The following ZNF529 variants were observed in gnomAD, a reference collection of about 807,000 sequenced individuals.
ZNF529 encodes zinc finger protein 529.
Under a neutral mutation model 10.1 loss-of-function variants are expected in ZNF529, and 11 were observed. The ratio of observed to expected loss-of-function variants is 1.09; its 90% CI spans 0.69 to 1.81. The LOEUF is 1.81. Ranked by LOEUF, ZNF529 falls within the 40% of genes most tolerant of loss-of-function variation. The probability of loss-of-function intolerance (pLI) is 0.00; values close to 1 mark genes in which losing one functional copy is unlikely to be tolerated. For synonymous variants in ZNF529, 204 were observed against 215.7 expected (o/e 0.95, Z 0.47); for missense variants, 624 against 666.8 (o/e 0.94, Z 0.71).
chr19:36,577,212 G>A, upstream of ZNF529: 1 of 452,936 alleles, frequency 2.2e-6, no homozygotes, highest in Non-Finnish European at 4.4e-6. Flanking sequence ...GGCCCTCCTT[G>A]ACCTCCCAAA....
At chr19:36,575,829 A>G (rs959191647), upstream of ZNF529, among the ~76,000 whole-genome samples, 3 of 151,556 alleles carry the variant, frequency 2.0e-5, no homozygotes, top group Admixed American at 1.3e-4. Context: ...GAGGTTTCAC[A>G]TGTGTTTTTT....
intron 2 of ZNF529, among the ~76,000 whole-genome samples, chr19:36,584,192 A>G (rs2036529519): frequency 6.6e-6 from 1 of 152,184 alleles, no homozygotes; most frequent in African/African-American, 2.4e-5. Flanking sequence ...GTCAGAAGAC[A>G]GGAGAATAAT....
chr19:36,588,634 A>C (rs902813500), intron 2 of ZNF529, among the ~76,000 whole-genome samples: 1 of 152,172 alleles, frequency 6.6e-6, no homozygotes, highest in Non-Finnish European at 1.5e-5. Flanking sequence ...AGTGAATGGC[A>C]AGATTCAAAG....
rs573815213 is a variant in ZNF529, at chr19:36,593,398, G to A, written c.-127-3697C>T. 1.2e-3 allele frequency among the ~76,000 whole-genome samples: 179 copies of A among 152,184 alleles called. 1 individual carries two copies. The highest frequency in any genetic ancestry group is 3.7e-3 in the African/African-American group (154 of 41,540). ...TGCCCAGGCTACTCTTGAACTCCAGGGCTCAAGCGATCTGCCTGCCTTGGC... is the reference window on the plus strand; with the variant it reads ...TGCCCAGGCTACTCTTGAACTCCAGAGCTCAAGCGATCTGCCTGCCTTGGC... On this transcript the variant is annotated intron_variant, in intron 1 of 4. Coordinates refer to the ZNF529 transcript ENST00000585960.
chr19:36,574,288 A>G (rs1257201599), upstream of ZNF529, among the ~76,000 whole-genome samples: 1 of 152,214 alleles, frequency 6.6e-6, no homozygotes, highest in Admixed American at 6.5e-5. Flanking sequence ...TTCAAAGATT[A>G]TTTGATTGGC....
rs79552175 is a variant in ZNF529, at chr19:36,547,780, T to C, written c.778A>G (p.Arg260Gly). The change falls in exon 5 of 5, where the codon AGA becomes GGA. Residue 260 changes from arginine (R) to glycine (G), a missense_variant. Physicochemically the swap from Arg to Gly is moderately radical, Grantham distance 125. Coordinates refer to ENST00000591340, the MANE Select transcript of ZNF529 (RefSeq NM_020951.5). The stretch of plus-strand genomic sequence containing the variant: ...TTTCCAACTCTTTCAAAGGTCCTTC[T>C]GTATTCCTTACATTTATAGAACTTC... ...NEKFYKCKEY[R>G]RTFERVGKVT... 2.8e-4 allele frequency: 448 copies of C among 1,612,350 alleles called. 1 individual carries two copies. In the East Asian group the frequency reaches 9.1e-3, roughly 33 times the overall value.
chr19:36,580,591 G>GA (rs938424141), intron 2 of ZNF529: 5 of 152,148 alleles, frequency 3.3e-5, no homozygotes, highest in African/African-American at 1.2e-4. Context: ...TGTTCATCAG[G>GA]AATATGTATG....
chr19:36,566,925 C>G (rs3108587), intron 2 of ZNF529, among the ~76,000 whole-genome samples: 51,658 of 151,030 alleles, frequency 0.34, 9,381 homozygotes, highest in African/African-American at 0.48. Context: ...GAGGCTAAGG[C>G]AGGAGAAGCG....
At chr19:36,596,662 G>A (rs745518500) in intron 1 of ZNF529, among the ~76,000 whole-genome samples, 1 of 151,274 alleles carries the variant, frequency 6.6e-6, no homozygotes, top group Non-Finnish European at 1.5e-5. Flanking sequence ...GATTATAGGT[G>A]TGTGTCACCA....
At chr19:36,566,728 T>TA (rs939365228) in intron 2 of ZNF529, among the ~76,000 whole-genome samples, 34 of 148,992 alleles carry the variant, frequency 2.3e-4, no homozygotes, top group African/African-American at 7.9e-4. Context: ...AAAAAAATAA[T>TA]AAAAAAAAGG....
chr19:36,584,993 A>G (rs2036549401), intron 2 of ZNF529, among the ~76,000 whole-genome samples: 2 of 152,188 alleles, frequency 1.3e-5, no homozygotes, highest in Non-Finnish European at 2.9e-5. Context: ...AGCAGCAAGT[A>G]TAAGCCTGAT....
At position 36,545,077 on chromosome 19, in the gene ZNF529, GGGCATGGTGGCGCATGCC is replaced by G. The variant is rs2034960524; in HGVS notation, c.*1771_*1788del. 1.3e-5 allele frequency: 2 copies of G among 152,244 alleles called. No individual in the cohort carries two copies. The highest frequency in any genetic ancestry group is 3.9e-4 in the East Asian group (2 of 5,166). The allele number at this position is 152,244 out of a possible 1,614,324, so 9.4% of individuals were successfully genotyped here. A position where few individuals can be genotyped will look rare whatever the true frequency, so the allele number is the denominator to read the frequency against. On this transcript the variant is annotated 3_prime_UTR_variant, in exon 5 of 5. Coordinates refer to ENST00000591340, the MANE Select transcript of ZNF529 (RefSeq NM_020951.5). ...CATATCTACTAAAATACAATTAGCT[GGGCATGGTGGCGCATGCC>G]TGTAATCCCAGCTACTTGGCAGGCT...
At chr19:36,596,329 C>G (rs576927742) in intron 1 of ZNF529, among the ~76,000 whole-genome samples, 4 of 151,956 alleles carry the variant, frequency 2.6e-5, no homozygotes, top group Non-Finnish European at 5.9e-5. Flanking sequence ...GCCTCAGCCT[C>G]CTAAGGTGCT....
chr19:36,575,093 A>G (rs2036283301), upstream of ZNF529, among the ~76,000 whole-genome samples: 1 of 152,164 alleles, frequency 6.6e-6, no homozygotes, highest in South Asian at 2.1e-4. Context: ...GGCTTTGTGG[A>G]GTAGGTAAGA....
chr19:36,598,980 A>G (rs894547882), intron 1 of ZNF529, among the ~76,000 whole-genome samples: 1 of 152,236 alleles, frequency 6.6e-6, no homozygotes, highest in African/African-American at 2.4e-5. Flanking sequence ...TTTTTCAAAA[A>G]GAAAAGGACA....
intron 2 of ZNF529, among the ~76,000 whole-genome samples, chr19:36,571,932 C>T (rs1874453868): frequency 6.6e-6 from 1 of 151,048 alleles, no homozygotes; most frequent in African/African-American, 2.4e-5. Flanking sequence ...ATCATATTCC[C>T]ACTCCTAAAT....
intron 1 of ZNF529, among the ~76,000 whole-genome samples, chr19:36,602,613 A>C (rs903273910): frequency 6.6e-6 from 1 of 151,964 alleles, no homozygotes; most frequent in African/African-American, 2.4e-5. Flanking sequence ...CTACACAGTT[A>C]TGTGACTTGG....
At chr19:36,559,437 T>A (rs951088777) in intron 2 of ZNF529, among the ~76,000 whole-genome samples, 2 of 152,174 alleles carry the variant, frequency 1.3e-5, no homozygotes, top group Non-Finnish European at 2.9e-5. Context: ...GCCTCCTGAG[T>A]AGCTGGGATT....
In ZNF529 at chr19:36,544,969, T is replaced by C. The variant is rs549477275; in HGVS notation, c.*1897A>G. ...GGACAGGCGTGGTGGCTCATGCCTGTAATCCCAGCACTTTGGGAGGCCGAG... is the reference window on the plus strand; with the variant it reads ...GGACAGGCGTGGTGGCTCATGCCTGCAATCCCAGCACTTTGGGAGGCCGAG... On this transcript the variant is annotated 3_prime_UTR_variant, in exon 5 of 5. Transcript: ENST00000591340. 4 of 152,372 alleles carry C rather than the reference T, an allele frequency of 2.6e-5. No individual in the cohort carries two copies. The highest frequency in any genetic ancestry group is 2.6e-4 in the Admixed American group (4 of 15,300). 9.4% of individuals were successfully genotyped at this position (152,372 alleles called of 1,614,324 possible).
Sources: gnomAD v4.1 joint callset for allele counts (sites outside exome capture counted in the v4.1 genomes callset) on GRCh38, gnomAD v4.1.1 for gene constraint, MANE v1.5 for transcripts, NCBI Gene and HGNC (gene_info 2026-07-23, HGNC 2026-07-21) for gene names.